Variants in CAMK1D observed in about 807,000 individuals in gnomAD.
The protein encoded by CAMK1D is calcium/calmodulin dependent protein kinase ID.
In CAMK1D, 9 loss-of-function variants were observed where a neutral mutation model predicts 47.7. The ratio of observed to expected loss-of-function variants is 0.19; its 90% CI spans 0.11 to 0.33. The LOEUF is 0.33. Ranked by LOEUF, CAMK1D falls within the 10% of genes least tolerant of loss-of-function variation. The pLI, the probability that CAMK1D is intolerant of heterozygous loss-of-function variation, is 1.00. For missense variants in CAMK1D, 291 were observed against 488.7 expected (o/e 0.60, Z 3.81); for synonymous variants, 184 against 184.9 (o/e 0.99, Z 0.04).
chr10:12,738,946 A>G (rs1368932918), intron 3 of CAMK1D, among the ~76,000 whole-genome samples: 1 of 152,192 alleles, frequency 6.6e-6, no homozygotes, highest in Non-Finnish European at 1.5e-5. Context: ...GTAATATAAC[A>G]TTCATTGAAA....
intron 1 of CAMK1D, among the ~76,000 whole-genome samples, chr10:12,453,293 G>A (rs112552703): frequency 0.012 from 1,759 of 151,042 alleles, 33 homozygotes; most frequent in African/African-American, 0.04. Flanking sequence ...GGGTTCAAGC[G>A]ATTCTCCTGC....
At chr10:12,816,067 A>G (rs1832781171) in intron 7 of CAMK1D, among the ~76,000 whole-genome samples, 183 bp from the exon 8 acceptor site, 1 of 152,142 alleles carries the variant, frequency 6.6e-6, no homozygotes, top group Admixed American at 6.5e-5. Flanking sequence ...CTAGAGTGCC[A>G]AGTCCTGGCT....
intron 1 of CAMK1D, among the ~76,000 whole-genome samples, chr10:12,535,433 C>G (rs1835938999): frequency 6.6e-6 from 1 of 152,206 alleles, no homozygotes; most frequent in Non-Finnish European, 1.5e-5. Context: ...GTGGTTAACT[C>G]TACCCCATTA....
chr10:12,786,390 G>A (rs1464806441), intron 5 of CAMK1D, among the ~76,000 whole-genome samples: 3 of 152,184 alleles, frequency 2.0e-5, no homozygotes, highest in Admixed American at 6.5e-5. Flanking sequence ...ACACCAAAAA[G>A]TGCAAGAAAT....
At chr10:12,533,308 T>C (rs1835867949) in intron 1 of CAMK1D, among the ~76,000 whole-genome samples, 1 of 152,206 alleles carries the variant, frequency 6.6e-6, no homozygotes, top group Non-Finnish European at 1.5e-5. Context: ...CTGAATCATC[T>C]TTCCCTTGCA....
chr10:12,639,124 C>T (rs573703787), intron 2 of CAMK1D, among the ~76,000 whole-genome samples: 1 of 152,358 alleles, frequency 6.6e-6, no homozygotes, highest in South Asian at 2.1e-4. Flanking sequence ...TGTACAGGAC[C>T]TCCCGCCTCA....
intron 1 of CAMK1D, among the ~76,000 whole-genome samples, chr10:12,507,507 C>T (rs1834912541): frequency 6.6e-6 from 1 of 152,012 alleles, no homozygotes. Context: ...TCAGGAAATC[C>T]TATTTTTCCT....
chr10:12,723,417 T>C (rs1230980884), intron 3 of CAMK1D, among the ~76,000 whole-genome samples: 2 of 152,218 alleles, frequency 1.3e-5, no homozygotes, highest in Non-Finnish European at 2.9e-5. Context: ...TGCATTTCCC[T>C]GAATCGTTTT....
At chr10:12,391,109 C>T (rs147217749) in intron 1 of CAMK1D, among the ~76,000 whole-genome samples, 55 of 152,198 alleles carry the variant, frequency 3.6e-4, no homozygotes, top group South Asian at 6.2e-4. Context: ...GGCCATGATA[C>T]GTTGGTATCT....
intron 3 of CAMK1D, among the ~76,000 whole-genome samples, chr10:12,711,699 G>T (rs1169879188): frequency 1.3e-5 from 2 of 152,170 alleles, no homozygotes; most frequent in Admixed American, 6.5e-5. Context: ...CTCTGGCCCG[G>T]AGCCGGAGTC....
chr10:12,693,995 AAT>A (rs1491239137), intron 3 of CAMK1D, among the ~76,000 whole-genome samples: 5 of 76,070 alleles, frequency 6.6e-5, no homozygotes, highest in South Asian at 8.2e-4. Context: ...ATATACATAT[AAT>A]ATATATAATA....
intron 1 of CAMK1D, among the ~76,000 whole-genome samples, chr10:12,467,915 T>C (rs1833639122): frequency 1.3e-5 from 2 of 152,218 alleles, no homozygotes; most frequent in South Asian, 4.1e-4. Flanking sequence ...TCAGGAGTAA[T>C]AGAGATAGCC....
rs570413834 is a variant in CAMK1D, at chr10:12,709,925, C to T, written c.299+43115C>T. On this transcript the variant is annotated intron_variant, in intron 3 of 10. Coordinates refer to ENST00000619168, the MANE Select transcript of CAMK1D (RefSeq NM_153498.4). ...GGAAGGGAATTGAAGGACGCAGAGT[C>T]GATGCCTGCAGTTTCTTGTTTTTGT... 1.3e-4 allele frequency among the ~76,000 whole-genome samples: 20 copies of T among 152,244 alleles called. 1 individual carries two copies. In the South Asian group the frequency reaches 3.3e-3, roughly 25 times the overall value.
chr10:12,469,811 T>G (rs1006621541), intron 1 of CAMK1D, among the ~76,000 whole-genome samples: 1 of 152,246 alleles, frequency 6.6e-6, no homozygotes, highest in African/African-American at 2.4e-5. Context: ...AGATTCATCT[T>G]TTCAGTCATT....
intron 1 of CAMK1D, among the ~76,000 whole-genome samples, chr10:12,511,590 A>G (rs1835041684): frequency 1.3e-5 from 2 of 152,212 alleles, no homozygotes. Context: ...TAGCCTGGGC[A>G]GCAGAGTGAG....
chr10:12,477,086 C>T (rs937003668), intron 1 of CAMK1D, among the ~76,000 whole-genome samples: 3 of 152,024 alleles, frequency 2.0e-5, no homozygotes, highest in African/African-American at 7.2e-5. Context: ...ATGCCCGGGG[C>T]ATGGGATTGT....
chr10:12,462,443 C>A (rs1347346723), intron 1 of CAMK1D, among the ~76,000 whole-genome samples: 1 of 150,902 alleles, frequency 6.6e-6, no homozygotes, highest in Non-Finnish European at 1.5e-5. Flanking sequence ...GGATTATAGG[C>A]ATGAGCCACT....
chr10:12,617,696 A>G (rs953613848), intron 2 of CAMK1D, among the ~76,000 whole-genome samples: 1 of 152,032 alleles, frequency 6.6e-6, no homozygotes, highest in Non-Finnish European at 1.5e-5. Flanking sequence ...TTGCTGAGAT[A>G]CCTGCCGGGT....
At chr10:12,623,711 CT>C (rs113870685) in intron 2 of CAMK1D, among the ~76,000 whole-genome samples, 5,634 of 151,712 alleles carry the variant, frequency 0.037, 335 homozygotes, top group African/African-American at 0.13. Context: ...TACATGCTCC[CT>C]TTTTTTCCCC....
Sources: allele counts gnomAD v4.1 joint callset (sites outside exome capture counted in the v4.1 genomes callset), GRCh38; gene constraint gnomAD v4.1.1; transcripts MANE v1.5; gene names NCBI Gene and HGNC (gene_info 2026-07-23, HGNC 2026-07-21).